Variants in AUTS2 observed in about 807,000 individuals in gnomAD.
AUTS2 encodes activator of transcription and developmental regulator AUTS2.
Under a neutral mutation model 112.4 loss-of-function variants are expected in AUTS2, and 17 were observed. The observed-to-expected ratio is 0.15, with a 90% CI of 0.10 to 0.23. The LOEUF is 0.23. Among genes scored for constraint, AUTS2 ranks in the 10% least tolerant of loss-of-function variants. AUTS2 has a pLI of 1.00. For missense variants in AUTS2, 1,510 were observed against 1,701.6 expected, an observed-to-expected ratio of 0.89 and a Z score of 1.98; for synonymous variants, 751 against 702.7, an observed-to-expected ratio of 1.07 and a Z score of -1.09.
intron 5 of AUTS2, among the ~76,000 whole-genome samples, chr7:70,535,740 G>C (rs1352318974): frequency 6.6e-6 from 1 of 152,144 alleles, no homozygotes; most frequent in Non-Finnish European, 1.5e-5. Flanking sequence ...ATCTTACTTG[G>C]TTATAGGCCA....
intron 1 of AUTS2, among the ~76,000 whole-genome samples, chr7:69,810,544 G>A (rs2129524812): frequency 6.6e-6 from 1 of 152,096 alleles, no homozygotes; most frequent in South Asian, 2.1e-4. Flanking sequence ...TTCTCAGTGT[G>A]ACATTCAGAG....
intron 4 of AUTS2, among the ~76,000 whole-genome samples, chr7:70,186,859 G>A (rs931336973): frequency 1.3e-5 from 2 of 152,136 alleles, no homozygotes; most frequent in East Asian, 1.9e-4. Flanking sequence ...ATGAGCCACC[G>A]TGCCCAGCCA....
chr7:70,521,738 G>C (rs760597093), intron 5 of AUTS2, among the ~76,000 whole-genome samples: 7 of 152,152 alleles, frequency 4.6e-5, no homozygotes, highest in Non-Finnish European at 8.8e-5. Context: ...TGCCAAAAGT[G>C]GGGGAAGGCC....
chr7:69,662,080 C>G (rs989103326), intron 1 of AUTS2, among the ~76,000 whole-genome samples: 9 of 152,052 alleles, frequency 5.9e-5, no homozygotes, highest in Non-Finnish European at 1.3e-4. Context: ...CTCCCACCGC[C>G]CATGTATACT....
At chr7:70,381,093 G>A (rs974225998) in intron 4 of AUTS2, among the ~76,000 whole-genome samples, 2 of 152,132 alleles carry the variant, frequency 1.3e-5, no homozygotes, top group African/African-American at 4.8e-5. Flanking sequence ...AACACTTTTG[G>A]TTGAATTAGT....
intron 4 of AUTS2, among the ~76,000 whole-genome samples, chr7:70,203,043 G>A (rs1425847261): frequency 6.9e-6 from 1 of 144,542 alleles, no homozygotes; most frequent in Non-Finnish European, 1.5e-5. Flanking sequence ...CATATCCTTT[G>A]TAGGGACATG....
At position 70,694,788 on chromosome 7, in the gene AUTS2, T is replaced by A. The variant is rs1238899314; in HGVS notation, c.691-3781T>A. 1 of 149,860 alleles carries A rather than the reference T, an allele frequency of 6.7e-6. No individual in the cohort carries two copies. The highest frequency in any genetic ancestry group is 1.5e-5 in the Non-Finnish European group (1 of 67,134). 9.3% of individuals were successfully genotyped at this position (149,860 alleles called of 1,614,324 possible). ...CGGGGCCTCGGCCGCGCTGGATGTG[T>A]GCGCGCGGCGCCGGCTCTCGGTCGC... On this transcript the variant is annotated intron_variant, in intron 5 of 18. Coordinates refer to ENST00000342771, the MANE Select transcript of AUTS2 (RefSeq NM_015570.4). This position sits in a 1 kb window ranked among gnomAD's most constrained non-coding sequence, Gnocchi z 4.1.
chr7:69,715,496 G>T (rs1798565570), intron 1 of AUTS2, among the ~76,000 whole-genome samples: 1 of 152,160 alleles, frequency 6.6e-6, no homozygotes, highest in Non-Finnish European at 1.5e-5. Flanking sequence ...GAAGCCTGAG[G>T]AGACTTGGTT....
intron 1 of AUTS2, among the ~76,000 whole-genome samples, chr7:69,885,828 A>C (rs1034557705): frequency 6.6e-6 from 1 of 152,246 alleles, no homozygotes; most frequent in Non-Finnish European, 1.5e-5. Flanking sequence ...GCAGACATTA[A>C]TGGTTATGAA....
intron 3 of AUTS2, among the ~76,000 whole-genome samples, chr7:70,132,164 TA>T (rs200482728): frequency 0.056 from 5,789 of 102,560 alleles, 194 homozygotes; most frequent in East Asian, 0.21. Context: ...TCTTTTCCCT[TA>T]AAAAAAAAAA....
At chr7:69,850,799 G>C (rs757281054) in intron 1 of AUTS2, among the ~76,000 whole-genome samples, 2 of 152,104 alleles carry the variant, frequency 1.3e-5, no homozygotes, top group African/African-American at 2.4e-5. Context: ...CTGGAGCTTG[G>C]CTTTTCATTA....
Position 70,178,305 on chromosome 7 carries a change from C to CT in AUTS2, c.660+43744dup, listed in dbSNP as rs145041247. Among the ~76,000 whole-genome samples, 915 of 149,712 alleles carry CT rather than the reference C, an allele frequency of 6.1e-3. 15 individuals are homozygous for CT. The highest frequency in any genetic ancestry group is 0.021 in the African/African-American group (839 of 40,822). On this transcript the variant is annotated intron_variant, in intron 4 of 18. Transcript: ENST00000342771. ...ACCACTTGGATACCAATTAAAAATACTTTTTTTTTTCAGTGAAATACGTCT... is the reference window on the plus strand; with the variant it reads ...ACCACTTGGATACCAATTAAAAATACTTTTTTTTTTTCAGTGAAATACGTCT...
At chr7:70,243,785 A>G (rs1301612285) in intron 4 of AUTS2, among the ~76,000 whole-genome samples, 2 of 152,086 alleles carry the variant, frequency 1.3e-5, no homozygotes, top group Non-Finnish European at 2.9e-5. Flanking sequence ...TCTTTTCTCT[A>G]TTCATGACTA....
At chr7:70,695,784 C>CA (rs1335478673) in intron 5 of AUTS2, among the ~76,000 whole-genome samples, 18 of 152,170 alleles carry the variant, frequency 1.2e-4, no homozygotes, top group Middle Eastern at 6.8e-3. Context: ...TCCAAAAAAA[C>CA]AAAAAAACAT....
intron 5 of AUTS2, among the ~76,000 whole-genome samples, chr7:70,490,344 G>A (rs1432827834): frequency 6.6e-6 from 1 of 152,002 alleles, no homozygotes; most frequent in Non-Finnish European, 1.5e-5. Flanking sequence ...GATGTTATCA[G>A]TGCAGATCTT....
chr7:70,329,510 G>A (rs907348730), intron 4 of AUTS2, among the ~76,000 whole-genome samples: 31 of 151,436 alleles, frequency 2.0e-4, no homozygotes, highest in African/African-American at 7.3e-4. Context: ...AATTTGATAT[G>A]CATTTTCTTG....
At chr7:69,836,935 C>T (rs1400876114) in intron 1 of AUTS2, among the ~76,000 whole-genome samples, 1 of 152,132 alleles carries the variant, frequency 6.6e-6, no homozygotes, top group Non-Finnish European at 1.5e-5. Flanking sequence ...AATTAGTACA[C>T]AGTAAATGTT....
intron 1 of AUTS2, among the ~76,000 whole-genome samples, chr7:69,634,166 T>C (rs978615974): frequency 4.2e-4 from 63 of 151,228 alleles, no homozygotes; most frequent in African/African-American, 1.5e-3. Flanking sequence ...GTGGCCCAGG[T>C]GGGAGTGCAG....
rs536545600 is a variant in AUTS2, at chr7:70,744,770, G to A, written c.743-18100G>A. Among the ~76,000 whole-genome samples the A allele has an allele frequency of 1.1e-4, 17 of 152,234 alleles. No homozygotes were observed. In the South Asian group the frequency reaches 3.1e-3, roughly 28 times the overall value. Reference sequence around the variant, plus strand: ...GTTGGAGGACCTGACTGACACGTGAGCCCCCCTTGGCAGCCATCATCTTCA... The same window carrying A: ...GTTGGAGGACCTGACTGACACGTGAACCCCCCTTGGCAGCCATCATCTTCA... On this transcript the variant is annotated intron_variant, in intron 6 of 18. Transcript: ENST00000342771.
Sources: gnomAD v4.1 joint callset for allele counts (sites outside exome capture counted in the v4.1 genomes callset) on GRCh38, gnomAD v4.1.1 for gene constraint, Gnocchi (gnomAD v3.1) non-coding constraint, MANE v1.5 for transcripts, NCBI Gene and HGNC (gene_info 2026-07-23, HGNC 2026-07-21) for gene names.